The following SSH2 variants were observed in gnomAD, a reference collection of about 807,000 sequenced individuals.
The protein encoded by SSH2 is protein phosphatase Slingshot homolog 2.
In SSH2, 37 loss-of-function variants were observed where a neutral mutation model predicts 135.2. The observed-to-expected ratio is 0.27, with a 90% CI of 0.21 to 0.36. The LOEUF is 0.36. Among genes scored for constraint, SSH2 ranks in the 10% least tolerant of loss-of-function variants. The pLI, the probability that SSH2 is intolerant of heterozygous loss-of-function variation, is 1.00. For synonymous variants in SSH2, 628 were observed against 646.2 expected, an observed-to-expected ratio of 0.97 and a Z score of 0.43; for missense variants, 1,408 against 1,765.3, an observed-to-expected ratio of 0.80 and a Z score of 3.63.
intron 5 of SSH2, among the ~76,000 whole-genome samples, chr17:29,690,877 A>G (rs1277849785): frequency 6.6e-6 from 1 of 152,026 alleles, no homozygotes; most frequent in Non-Finnish European, 1.5e-5. Flanking sequence ...TTTTTATCAC[A>G]TTTTCGTAGA....
At chr17:29,676,030 G>T (rs184953372) in intron 8 of SSH2, 22 of 152,278 alleles carry the variant, frequency 1.4e-4, no homozygotes, top group Admixed American at 1.2e-3. Context: ...CCAGCTGATG[G>T]TTATTAGCAA....
rs144233262 is a variant in SSH2, at chr17:29,654,014, T to C, written c.1079+1547A>G. 3.0e-3 allele frequency among the ~76,000 whole-genome samples: 455 copies of C among 152,316 alleles called. 4 individuals carry two copies. The East Asian group carries it at 0.032, about 11-fold the overall frequency. ...TGCAATGTTATTAATCTTGTTGAAT[T>C]ATGGGGTCCTTATGCTTCAGGGGCA... On this transcript the variant is annotated intron_variant, in intron 12 of 15. Transcript: ENST00000540801.
At chr17:29,854,675 C>T (rs1039450313) in intron 1 of SSH2, among the ~76,000 whole-genome samples, 2 of 151,748 alleles carry the variant, frequency 1.3e-5, no homozygotes, top group Admixed American at 6.6e-5. Flanking sequence ...AGGCCGGGCA[C>T]GGTGGCTCAC....
chr17:29,839,945 C>T (rs1484316487), intron 2 of SSH2, among the ~76,000 whole-genome samples: 1 of 152,116 alleles, frequency 6.6e-6, no homozygotes, highest in Non-Finnish European at 1.5e-5. Flanking sequence ...AAAGTATTTG[C>T]CTCAAAGACT....
chr17:29,857,655 T>A (rs1435167209), intron 1 of SSH2, among the ~76,000 whole-genome samples: 4 of 152,140 alleles, frequency 2.6e-5, no homozygotes, highest in African/African-American at 9.7e-5. Flanking sequence ...AGGTAATTTT[T>A]AAAATTTTTC....
intron 1 of SSH2, among the ~76,000 whole-genome samples, chr17:29,907,222 G>A (rs551474275): frequency 2.6e-5 from 4 of 152,286 alleles, no homozygotes; most frequent in African/African-American, 9.6e-5. Context: ...GGAAATGGAT[G>A]GAGTTGGAAG....
Position 29,628,368 on chromosome 17 carries a change from T to C in SSH2, c.*2473A>G, listed in dbSNP as rs760932597. Reference sequence around the variant, plus strand: ...AGTGGGTTTTGTCCCATCTTTGTTGTTATTTAATGCAGTGAGTGAACATTA... The same window carrying C: ...AGTGGGTTTTGTCCCATCTTTGTTGCTATTTAATGCAGTGAGTGAACATTA... On this transcript the variant is annotated 3_prime_UTR_variant, in exon 16 of 16. Coordinates refer to ENST00000540801, the MANE Select transcript of SSH2 (RefSeq NM_001282129.2). 1 of 152,256 alleles carries C rather than the reference T, an allele frequency of 6.6e-6. No individual in the cohort carries two copies. Among genetic ancestry groups the C allele is most frequent in the Non-Finnish European group, 1.5e-5 (1 of 68,044 alleles). The allele number at this position is 152,256 out of a possible 1,614,324, so 9.4% of individuals were successfully genotyped here. A position where few individuals can be genotyped will look rare whatever the true frequency, so the allele number is the denominator to read the frequency against.
intron 2 of SSH2, among the ~76,000 whole-genome samples, chr17:29,807,832 CTTTTTTT>C (rs58284055): frequency 1.1e-5 from 1 of 94,392 alleles, no homozygotes; most frequent in Non-Finnish European, 2.0e-5. Context: ...GTTTTGATGG[CTTTTTTT>C]TTTTTTTTTT....
chr17:29,784,237 A>T (rs1359802328), intron 3 of SSH2, among the ~76,000 whole-genome samples: 2 of 149,792 alleles, frequency 1.3e-5, no homozygotes, highest in Non-Finnish European at 3.0e-5. Flanking sequence ...AAATAAAAAT[A>T]GGCTGGGCGT....
intron 1 of SSH2, among the ~76,000 whole-genome samples, chr17:29,895,114 TAGATA>T (rs2066421120): frequency 6.7e-6 from 1 of 149,972 alleles, no homozygotes; most frequent in East Asian, 1.9e-4. Flanking sequence ...ATTCTATTTA[TAGATA>T]GATGTATTTT....
intron 3 of SSH2, among the ~76,000 whole-genome samples, chr17:29,738,040 T>C (rs2040429502): frequency 1.3e-5 from 2 of 152,172 alleles, no homozygotes. Flanking sequence ...AACTTGTCAT[T>C]TACATTAGGT....
chr17:29,801,031 A>G (rs2151313486), intron 2 of SSH2, among the ~76,000 whole-genome samples: 1 of 151,760 alleles, frequency 6.6e-6, no homozygotes, highest in East Asian at 1.9e-4. Flanking sequence ...ACCCCCTGTA[A>G]TTTTTGTATT....
chr17:29,871,833 T>C (rs573698057), intron 1 of SSH2, among the ~76,000 whole-genome samples: 1 of 152,324 alleles, frequency 6.6e-6, no homozygotes, highest in South Asian at 2.1e-4. Flanking sequence ...AAGATGTTCA[T>C]GACCTATTAG....
At chr17:29,679,984 T>C (rs2037900178) in intron 6 of SSH2, among the ~76,000 whole-genome samples, 1 of 152,140 alleles carries the variant, frequency 6.6e-6, no homozygotes, top group Admixed American at 6.5e-5. Context: ...TCTTGAACTG[T>C]GAATAATAAA....
rs2035631866 is a variant in SSH2 at position 29,630,829 on chromosome 17, G to A, written c.*12C>T. The A allele has an allele frequency of 1.3e-6, 2 of 1,523,112 alleles. No homozygotes were observed. Among genetic ancestry groups the A allele is most frequent in the Non-Finnish European group, 1.8e-6 (2 of 1,133,614 alleles). The allele number at this position is 1,523,112 out of a possible 1,614,324, so 94.3% of individuals were successfully genotyped here. On this transcript the variant is annotated 3_prime_UTR_variant, in exon 16 of 16. Coordinates refer to ENST00000540801, the MANE Select transcript of SSH2 (RefSeq NM_001282129.2). ...ACATTTCTTCTAGAAAGTCACATGT[G>A]TAGGCTCAGAATCACATGGTATTAT... is the stretch of plus-strand genomic sequence containing the variant.
intron 3 of SSH2, among the ~76,000 whole-genome samples, chr17:29,769,683 TGTTATA>T (rs1248795127): frequency 2.0e-5 from 3 of 152,192 alleles, no homozygotes; most frequent in East Asian, 1.9e-4. Context: ...TATCATTCCT[TGTTATA>T]GTTAAAGAAA....
chr17:29,753,744 G>T (rs1391109055), intron 3 of SSH2, among the ~76,000 whole-genome samples: 2 of 147,944 alleles, frequency 1.4e-5, no homozygotes, highest in African/African-American at 2.5e-5. Flanking sequence ...AGTGAGTTGA[G>T]ATCGTGCCAC....
chr17:29,636,947 G>A, intron 14 of SSH2, 145 bp from the exon 15 acceptor site: 2 of 631,182 alleles, frequency 3.2e-6, no homozygotes, highest in Non-Finnish European at 5.4e-6. Context: ...CGTTTGAAAA[G>A]ACAATTTAAT....
rs191627356 is a variant in SSH2 at position 29,781,604 on chromosome 17, C to G, written c.188+12290G>C. Among the ~76,000 whole-genome samples, 149 of 148,540 alleles carry G rather than the reference C, an allele frequency of 1.0e-3. 2 individuals are homozygous for G. The Middle Eastern group carries it at 0.011, about 11-fold the overall frequency. On this transcript the variant is annotated intron_variant, in intron 3 of 15. Transcript: ENST00000540801. ...AAGCGATTCTCCTGCCTTAGCCTAT[C>G]GAGTAACTGGGACTACAGGTGCGTG...
Sources: gnomAD v4.1 joint callset for allele counts (sites outside exome capture counted in the v4.1 genomes callset) on GRCh38, gnomAD v4.1.1 for gene constraint, MANE v1.5 for transcripts, NCBI Gene and HGNC (gene_info 2026-07-23, HGNC 2026-07-21) for gene names.